Variants in AUNIP observed in about 807,000 individuals in gnomAD.
AUNIP encodes aurora kinase A and ninein interacting protein.
In AUNIP, 16 loss-of-function variants were observed where a neutral mutation model predicts 12.2. The ratio of observed to expected loss-of-function variants is 1.31; its 90% CI spans 0.88 to 1.99. The LOEUF (loss-of-function observed/expected upper bound fraction) is 1.99. Ranked by LOEUF, AUNIP falls within the 30% of genes most tolerant of loss-of-function variation. AUNIP has a pLI of 0.00. For missense variants in AUNIP, 411 were observed against 419.1 expected (o/e 0.98, Z 0.17); for synonymous variants, 142 against 154.8 (o/e 0.92, Z 0.61).
At chr1:25,857,996 T>C (rs1263864280) in intron 1 of AUNIP, among the ~76,000 whole-genome samples, 2 of 151,104 alleles carry the variant, frequency 1.3e-5, no homozygotes, top group Non-Finnish European at 2.9e-5. Flanking sequence ...TGAAAACCTG[T>C]CTCTACTAAA....
chr1:25,850,052 T>C lies in AUNIP; in HGVS notation c.78+9228A>G, dbSNP rs908922472. Among the ~76,000 whole-genome samples, 4 of 152,242 alleles carry C rather than the reference T, an allele frequency of 2.6e-5. No homozygotes were observed. In the East Asian group the frequency reaches 7.7e-4, roughly 29 times the overall value. Reference sequence around the variant, plus strand: ...CTAAGAACATTTGTGTGCAAGTTTTTGTGCAGACATACGTTTTCCTATCTC... The same window carrying C: ...CTAAGAACATTTGTGTGCAAGTTTTCGTGCAGACATACGTTTTCCTATCTC... On this transcript the variant is annotated intron_variant, in intron 1 of 2. Transcript: ENST00000374298.
Position 25,835,033 on chromosome 1 carries a change from T to TGG in AUNIP, c.1032_1033dup (p.Gln345ProfsTer22). On this transcript the variant is annotated frameshift_variant, in exon 3 of 3. Transcript: ENST00000374298. LOFTEE classifies it high-confidence loss of function. Reference sequence around the variant, plus strand: ...GATAACTTGATTACCTTCAGAGTCCTGGGTAAAGAGCAAATCAGGCTTCAG... The same window carrying TGG: ...GATAACTTGATTACCTTCAGAGTCCTGGGGGTAAAGAGCAAATCAGGCTTCAG... 6.2e-7 allele frequency: 1 copy of TGG among 1,614,142 alleles called. No homozygotes were observed. Among genetic ancestry groups the TGG allele is most frequent in the Non-Finnish European group, 8.5e-7 (1 of 1,180,002 alleles).
intron 1 of AUNIP, among the ~76,000 whole-genome samples, chr1:25,851,181 T>C (rs1233331368): frequency 6.6e-6 from 1 of 152,214 alleles, no homozygotes; most frequent in Non-Finnish European, 1.5e-5. Flanking sequence ...TAATTGGTTT[T>C]CAAATTTAAA....
rs370586152 is a variant in AUNIP, at chr1:25,856,637, T to C, written c.78+2643A>G. ...TTGCAGTGAGCTGAGATCGCACCAC[T>C]GCACTCCAGCCCGGGCAACAAGAGC... On this transcript the variant is annotated intron_variant, in intron 1 of 2. Coordinates refer to ENST00000374298, the MANE Select transcript of AUNIP (RefSeq NM_024037.3). Among the ~76,000 whole-genome samples the C allele has an allele frequency of 3.9e-5, 6 of 152,146 alleles. No individual in the cohort carries two copies. The East Asian group carries it at 9.7e-4, about 25-fold the overall frequency.
At chr1:25,852,282 T>G (rs1334274741) in intron 1 of AUNIP, among the ~76,000 whole-genome samples, 1 of 151,774 alleles carries the variant, frequency 6.6e-6, no homozygotes, top group Non-Finnish European at 1.5e-5. Flanking sequence ...GCTAAAGGTG[T>G]GTTGAGTTTG....
At chr1:25,858,876 A>T (rs1314484487) in intron 1 of AUNIP, among the ~76,000 whole-genome samples, 1 of 151,964 alleles carries the variant, frequency 6.6e-6, no homozygotes, top group Non-Finnish European at 1.5e-5. Flanking sequence ...CCGGGGTGAG[A>T]ATTTCCCCAA....
At chr1:25,850,927 G>A (rs2048420645) in intron 1 of AUNIP, among the ~76,000 whole-genome samples, 1 of 152,112 alleles carries the variant, frequency 6.6e-6, no homozygotes, top group East Asian at 1.9e-4. Context: ...TAGTGCAATG[G>A]TAAACAGAGT....
intron 1 of AUNIP, among the ~76,000 whole-genome samples, chr1:25,852,596 C>A (rs563999442): frequency 5.9e-5 from 9 of 151,870 alleles, no homozygotes; most frequent in East Asian, 1.9e-4. Context: ...CCTGCCACCA[C>A]GCACAGCTAA....
chr1:25,837,310 A>G (rs909284353), intron 2 of AUNIP, 103 bp downstream of exon 2: 3 of 1,370,280 alleles, frequency 2.2e-6, no homozygotes, highest in East Asian at 2.3e-5. Flanking sequence ...GTTTAACACA[A>G]TGCACTGGTT....
rs937846568 is a variant in AUNIP, at chr1:25,858,110, G to A, written c.78+1170C>T. Reference sequence around the variant, plus strand: ...TGAACCCCGGAGGTGGGGCTTGCAGGGAACTGAGATTGTGTCACTGCACTC... The same window carrying A: ...TGAACCCCGGAGGTGGGGCTTGCAGAGAACTGAGATTGTGTCACTGCACTC... On this transcript the variant is annotated intron_variant, in intron 1 of 2. Coordinates refer to ENST00000374298, the MANE Select transcript of AUNIP (RefSeq NM_024037.3). 2.0e-5 allele frequency among the ~76,000 whole-genome samples: 3 copies of A among 152,142 alleles called. No homozygotes were observed. In the East Asian group the frequency reaches 5.8e-4, roughly 29 times the overall value.
chr1:25,853,695 G>A (rs1051184305), intron 1 of AUNIP, among the ~76,000 whole-genome samples: 5 of 152,190 alleles, frequency 3.3e-5, no homozygotes, highest in Non-Finnish European at 7.3e-5. Flanking sequence ...TCTCTCATGA[G>A]GTTGCATTCA....
chr1:25,856,220 C>A (rs1018070248), intron 1 of AUNIP, among the ~76,000 whole-genome samples: 1 of 151,672 alleles, frequency 6.6e-6, no homozygotes, highest in African/African-American at 2.4e-5. Flanking sequence ...CAAAAATTAG[C>A]CAGGTATGGT....
intron 1 of AUNIP, among the ~76,000 whole-genome samples, chr1:25,851,252 T>G (rs2048422205): frequency 6.6e-6 from 1 of 152,254 alleles, no homozygotes; most frequent in East Asian, 1.9e-4. Flanking sequence ...TTTTTATGTG[T>G]TGCTAAATTT....
downstream of AUNIP, among the ~76,000 whole-genome samples, chr1:25,833,171 G>A (rs2048268986): frequency 6.6e-6 from 1 of 151,892 alleles, no homozygotes; most frequent in South Asian, 2.1e-4. Flanking sequence ...GGAGTGCAGT[G>A]GTGGGATCAT....
Position 25,835,517 on chromosome 1 carries a change from A to G in AUNIP, c.550T>C (p.Leu184=), listed in dbSNP as rs375968049. ...CCTTTTTCTTCCTTTCGGTCTAGCA[A>G]ACAAGAACTTTCCAAGTCCTCGGTG... The part of the protein sequence containing the change: ...SFTEDLESSC[L]LDRKEEKGDS... Residue 184 remains leucine, a synonymous_variant, in exon 3 of 3, where the codon TTG becomes CTG. Coordinates refer to ENST00000374298, the MANE Select transcript of AUNIP (RefSeq NM_024037.3). 5.0e-6 allele frequency: 8 copies of G among 1,614,108 alleles called. No individual in the cohort carries two copies. In the African/African-American group the frequency reaches 9.3e-5, roughly 19 times the overall value.
At chr1:25,833,933 G>C (rs2048275946), downstream of AUNIP, 2 of 758,684 alleles carry the variant, frequency 2.6e-6, no homozygotes, top group African/African-American at 1.9e-5. Flanking sequence ...GGCAATGACA[G>C]CATATACTAT....
In AUNIP at chr1:25,835,407, G is replaced by A; in HGVS notation, c.660C>T (p.Asp220=). 6.2e-7 allele frequency: 1 copy of A among 1,614,186 alleles called. No individual in the cohort carries two copies. Among genetic ancestry groups the A allele is most frequent in the African/African-American group, 1.3e-5 (1 of 75,034 alleles). The change falls in exon 3 of 3, where the codon GAC becomes GAT. Residue 220 remains aspartate, a synonymous_variant. Coordinates refer to ENST00000374298, the MANE Select transcript of AUNIP (RefSeq NM_024037.3). ...SMEKHTKLPG[D]KCCQPLGKTK... ...TCTTGCCTAAGGGCTGACAGCATTT[G>A]TCCCCAGGTAGTTTGGTGTGTTTCT...
chr1:25,848,686 T>A (rs562933119), intron 1 of AUNIP, among the ~76,000 whole-genome samples: 14 of 152,274 alleles, frequency 9.2e-5, no homozygotes, highest in African/African-American at 3.1e-4. Flanking sequence ...ATTAACAGCA[T>A]GACCTCTATA....
chr1:25,855,848 TAGTC>T (rs771073617), intron 1 of AUNIP, among the ~76,000 whole-genome samples: 1 of 152,154 alleles, frequency 6.6e-6, no homozygotes, highest in African/African-American at 2.4e-5. Context: ...TAATAGTTAA[TAGTC>T]AGGAACCAAA....
Sources: gnomAD v4.1 joint callset for allele counts (sites outside exome capture counted in the v4.1 genomes callset) on GRCh38, gnomAD v4.1.1 for gene constraint, MANE v1.5 for transcripts, NCBI Gene and HGNC (gene_info 2026-07-23, HGNC 2026-07-21) for gene names.